SHISA6: variants seen among roughly 807,000 people sequenced by gnomAD.
SHISA6 encodes protein shisa-6.
A neutral mutation model predicts 47.9 loss-of-function variants in SHISA6; 22 were observed. The observed-to-expected ratio is 0.46, with a 90% CI of 0.33 to 0.66. SHISA6 has a LOEUF of 0.66. Ranked by LOEUF, SHISA6 falls within the 30% of genes least tolerant of loss-of-function variation. SHISA6 has a pLI of 0.02. For synonymous variants in SHISA6, 388 were observed against 337.8 expected (o/e 1.15, Z -1.63); for missense variants, 680 against 764.6 (o/e 0.89, Z 1.30).
At position 11,242,038 on chromosome 17, in the gene SHISA6, C is replaced by G. The variant is rs1157786721; in HGVS notation, c.616C>G (p.Pro206Ala). Residue 206 changes from proline (P) to alanine (A), a missense_variant, in exon 1 of 6, where the codon CCA (proline) becomes GCA (alanine). Pro to Ala is a conservative substitution (Grantham distance 27, BLOSUM62 -1). Transcript: ENST00000441885. ...CTCCTACGACAAGGCCCACCGCCCTCCACGGGAGATGAACATCCACAGGTG... is the reference window on the plus strand; with the variant it reads ...CTCCTACGACAAGGCCCACCGCCCTGCACGGGAGATGAACATCCACAGGTG... Reference protein sequence around the residue: ...KVSYDKAHRPPREMNIHRALA... With the variant: ...KVSYDKAHRPAREMNIHRALA... The G allele has an allele frequency of 1.3e-6, 2 of 1,550,718 alleles. No individual in the cohort carries two copies. The highest frequency in any genetic ancestry group is 3.9e-5 in the Admixed American group (2 of 50,996).
chr17:11,395,270 G>A (rs1913532161), intron 3 of SHISA6, among the ~76,000 whole-genome samples: 1 of 151,720 alleles, frequency 6.6e-6, no homozygotes, highest in African/African-American at 2.4e-5. Flanking sequence ...AAAGAAAAAT[G>A]TTTTTCCTGG....
intron 3 of SHISA6, among the ~76,000 whole-genome samples, chr17:11,384,809 G>T (rs1913139527): frequency 6.6e-6 from 1 of 152,196 alleles, no homozygotes; most frequent in Non-Finnish European, 1.5e-5. Flanking sequence ...GAGCCAGATA[G>T]ACGAGGGTGG....
chr17:11,536,695 G>A (rs551901815), intron 3 of SHISA6, among the ~76,000 whole-genome samples: 105 of 152,228 alleles, frequency 6.9e-4, no homozygotes, highest in African/African-American at 2.4e-3. Context: ...GCCAAGCCCA[G>A]CCCACCCTTG....
At chr17:11,354,571 T>C (rs111296499) in intron 2 of SHISA6, among the ~76,000 whole-genome samples, 1 of 152,170 alleles carries the variant, frequency 6.6e-6, no homozygotes. Flanking sequence ...CTCAACCTCA[T>C]TGTTAATGCC....
chr17:11,357,134 G>A (rs900069278), intron 2 of SHISA6, among the ~76,000 whole-genome samples: 7 of 137,162 alleles, frequency 5.1e-5, no homozygotes, highest in Non-Finnish European at 9.1e-5. Flanking sequence ...CTTGCAGTGA[G>A]CCGAGATCCC....
chr17:11,471,431 G>T (rs2969235), intron 3 of SHISA6, among the ~76,000 whole-genome samples: 5,074 of 152,226 alleles, frequency 0.033, 258 homozygotes, highest in African/African-American at 0.11. Context: ...GATACAGAGT[G>T]AAGGTGAGGG....
chr17:11,254,558 G>A (rs1453913371), intron 1 of SHISA6, among the ~76,000 whole-genome samples: 1 of 152,100 alleles, frequency 6.6e-6, no homozygotes, highest in Non-Finnish European at 1.5e-5. Flanking sequence ...CTCTCTTTTG[G>A]CACCACCTGC....
At chr17:11,349,577 G>C (rs752416016) in intron 2 of SHISA6, among the ~76,000 whole-genome samples, 30 of 152,216 alleles carry the variant, frequency 2.0e-4, no homozygotes, top group Non-Finnish European at 4.4e-4. Flanking sequence ...GCCTCCTTGG[G>C]CTGTGAGTTC....
chr17:11,489,602 A>G (rs1916426627), intron 3 of SHISA6, among the ~76,000 whole-genome samples: 1 of 152,194 alleles, frequency 6.6e-6, no homozygotes, highest in Non-Finnish European at 1.5e-5. Flanking sequence ...GCTGAAGGGT[A>G]GGCAGAGGGA....
chr17:11,423,579 A>G (rs1419621166), intron 3 of SHISA6, among the ~76,000 whole-genome samples: 1 of 152,070 alleles, frequency 6.6e-6, no homozygotes, highest in East Asian at 1.9e-4. Flanking sequence ...TCTGACAGTG[A>G]TATTCCCAGG....
At chr17:11,531,343 G>A (rs575847750) in intron 3 of SHISA6, among the ~76,000 whole-genome samples, 44 of 151,808 alleles carry the variant, frequency 2.9e-4, no homozygotes, top group Middle Eastern at 3.4e-3. Flanking sequence ...CCCCTGATGA[G>A]CATTTCAGTT....
At chr17:11,303,951 C>T (rs1014096705) in intron 2 of SHISA6, among the ~76,000 whole-genome samples, 3 of 152,140 alleles carry the variant, frequency 2.0e-5, no homozygotes, top group Non-Finnish European at 2.9e-5. Context: ...ATGTTTCCAG[C>T]GTGCCAAAAG....
In SHISA6 at chr17:11,448,725, C is replaced by T. The variant is rs146044652; in HGVS notation, c.895+69216C>T. 5.1e-3 allele frequency among the ~76,000 whole-genome samples: 774 copies of T among 152,216 alleles called. 9 individuals are homozygous for T. Among genetic ancestry groups the T allele is most frequent in the African/African-American group, 0.018 (738 of 41,534 alleles). ...CCTGTAATCCCAGCCACTCAGGAGGCTGAGGCAGGAGAATCGCTTGAACCC... is the reference window on the plus strand; with the variant it reads ...CCTGTAATCCCAGCCACTCAGGAGGTTGAGGCAGGAGAATCGCTTGAACCC... On this transcript the variant is annotated intron_variant, in intron 3 of 5. Transcript: ENST00000441885.
chr17:11,269,671 T>C (rs1908567545), intron 2 of SHISA6, among the ~76,000 whole-genome samples: 1 of 152,154 alleles, frequency 6.6e-6, no homozygotes, highest in Admixed American at 6.5e-5. Context: ...TTCTCAGTCA[T>C]CCCCAAAGAA....
chr17:11,262,691 C>T lies in SHISA6; in HGVS notation c.639-675C>T, dbSNP rs1026083163. Among the ~76,000 whole-genome samples, 16 of 152,158 alleles carry T rather than the reference C, an allele frequency of 1.1e-4. No homozygotes were observed. The East Asian group carries it at 1.2e-3, about 11-fold the overall frequency. ...AGTAACTGGACCTCTTGCAGGGGGG[C>T]GGGTCTCTCCTGCTATGGCAGAGTC... is the stretch of plus-strand genomic sequence containing the variant. On this transcript the variant is annotated intron_variant, in intron 1 of 5. Coordinates refer to ENST00000441885, the MANE Select transcript of SHISA6 (RefSeq NM_207386.4).
intron 3 of SHISA6, among the ~76,000 whole-genome samples, chr17:11,394,793 T>G (rs1913509155): frequency 6.6e-6 from 1 of 152,088 alleles, no homozygotes; most frequent in African/African-American, 2.4e-5. Flanking sequence ...TTTAACACAT[T>G]TGGTTTATCA....
chr17:11,277,925 A>G (rs1055784683), intron 2 of SHISA6, among the ~76,000 whole-genome samples: 16 of 151,344 alleles, frequency 1.1e-4, no homozygotes, highest in African/African-American at 3.9e-4. Context: ...CTTACATCAC[A>G]TTAACTAATG....
intron 3 of SHISA6, among the ~76,000 whole-genome samples, chr17:11,410,664 A>G (rs890957060): frequency 5.9e-5 from 9 of 152,068 alleles, no homozygotes; most frequent in African/African-American, 2.2e-4. Flanking sequence ...AGGACGCCCC[A>G]TGCATCCACT....
At chr17:11,459,983 C>A (rs1289324732) in intron 3 of SHISA6, among the ~76,000 whole-genome samples, 1 of 152,180 alleles carries the variant, frequency 6.6e-6, no homozygotes, top group Non-Finnish European at 1.5e-5. Context: ...GCCTCAGCTG[C>A]AGAGGTCTCA....
Sources: gnomAD v4.1 joint callset for allele counts (sites outside exome capture counted in the v4.1 genomes callset) on GRCh38, gnomAD v4.1.1 for gene constraint, MANE v1.5 for transcripts, NCBI Gene and HGNC (gene_info 2026-07-23, HGNC 2026-07-21) for gene names.